The following TRAPPC2 variants were observed in gnomAD, a reference collection of about 807,000 sequenced individuals.
TRAPPC2 encodes sedlin.
Under a neutral mutation model 10.0 loss-of-function variants are expected in TRAPPC2, and 4 were observed. The ratio of observed to expected loss-of-function variants is 0.40; its 90% CI spans 0.20 to 0.92. The LOEUF (loss-of-function observed/expected upper bound fraction) is 0.92, where lower values mean the gene tolerates loss of function less well. Ranked by LOEUF, TRAPPC2 falls within the 40% of genes least tolerant of loss-of-function variation. The pLI is 0.35. For missense variants in TRAPPC2, 52 were observed against 108.7 expected, an observed-to-expected ratio of 0.48 and a Z score of 2.32; for synonymous variants, 36 against 37.3, an observed-to-expected ratio of 0.97 and a Z score of 0.12.
chrX:13,729,681 G>A (rs1051540865), intron 2 of TRAPPC2, among the ~76,000 whole-genome samples: 3 of 111,832 alleles, frequency 2.7e-5, no homozygotes, highest in African/African-American at 9.8e-5. Flanking sequence ...GGCTGAGGTG[G>A]TCATATCACC....
intron 2 of TRAPPC2, among the ~76,000 whole-genome samples, chrX:13,728,095 G>A (rs1022442857): frequency 1.8e-5 from 2 of 111,662 alleles, no homozygotes; most frequent in South Asian, 7.4e-4. Flanking sequence ...TTCTGAAATC[G>A]AGGCAATAAT....
intron 2 of TRAPPC2, among the ~76,000 whole-genome samples, chrX:13,730,855 G>T (rs1385092872): frequency 1.9e-5 from 2 of 103,884 alleles, no homozygotes; most frequent in Non-Finnish European, 2.0e-5. Context: ...CTCATAGGTG[G>T]GAATTGAACA....
intron 4 of TRAPPC2, 21 bp from the exon 5 acceptor site, chrX:13,716,110 T>A (rs1255298956): frequency 8.5e-7 from 1 of 1,169,642 alleles, no homozygotes; most frequent in African/African-American, 1.8e-5. Flanking sequence ...TAAGGCATAA[T>A]CTTTCTTAGA....
chrX:13,723,613 T>G (rs2046475060), intron 2 of TRAPPC2, among the ~76,000 whole-genome samples: 1 of 112,080 alleles, frequency 8.9e-6, no homozygotes, highest in Non-Finnish European at 1.9e-5. Context: ...ACTGTGTATG[T>G]ATGGTCTGCT....
chrX:13,727,636 A>G (rs1003917762), intron 2 of TRAPPC2, among the ~76,000 whole-genome samples: 1 of 111,931 alleles, frequency 8.9e-6, no homozygotes, highest in Non-Finnish European at 1.9e-5. Flanking sequence ...AAATGCCCAC[A>G]ACAGAAAGCA....
chrX:13,713,466 A>AAAAAAAC lies in TRAPPC2; in HGVS notation c.*940_*941insGTTTTTT, dbSNP rs1569070657. 3.8e-5 allele frequency: 4 copies of AAAAAAAC among 104,332 alleles called. No individual in the cohort carries two copies. Among genetic ancestry groups the AAAAAAAC allele is most frequent in the Non-Finnish European group, 5.9e-5 (3 of 51,095 alleles). 8.6% of individuals were successfully genotyped at this position (104,332 alleles called of 1,213,427 possible). On this transcript the variant is annotated 3_prime_UTR_variant, in exon 6 of 6. Coordinates refer to ENST00000380579, the MANE Select transcript of TRAPPC2 (RefSeq NM_001011658.4). ...ACTCCATCTCAAAAAAACAAAAAAC[A>AAAAAAAC]AAAAACAAAAACAAAAACCCACAAA...
chrX:13,714,674 G>A (rs1307326022), intron 5 of TRAPPC2, among the ~76,000 whole-genome samples, 169 bp from the exon 6 acceptor site: 1 of 112,445 alleles, frequency 8.9e-6, no homozygotes, highest in African/African-American at 3.2e-5. Context: ...TCCTCTTAAG[G>A]AAATTTTTAT....
At chrX:13,723,258 C>T (rs966019094) in intron 2 of TRAPPC2, among the ~76,000 whole-genome samples, 1 of 111,470 alleles carries the variant, frequency 9.0e-6, no homozygotes, top group African/African-American at 3.3e-5. Flanking sequence ...ACCTCCGCCT[C>T]CCAGGTTCAG....
rs192281315 is a variant in TRAPPC2, at chrX:13,716,392, A to G, written c.238+142T>C. 3.5e-4 allele frequency: 268 copies of G among 770,531 alleles called. 1 individual carries two copies. In the East Asian group the frequency reaches 7.5e-3, roughly 21 times the overall value. 63.5% of individuals were successfully genotyped at this position (770,531 alleles called of 1,213,427 possible). Reference sequence around the variant, plus strand: ...AATGTTTTTCCCCCCTAAAAAAAGAAAAGTAGCCCCATAAATGGAAACTTA... The same window carrying G: ...AATGTTTTTCCCCCCTAAAAAAAGAGAAGTAGCCCCATAAATGGAAACTTA... On this transcript the variant is annotated intron_variant, in intron 4 of 5. Coordinates refer to ENST00000380579, the MANE Select transcript of TRAPPC2 (RefSeq NM_001011658.4).
At chrX:13,716,737 A>G in intron 3 of TRAPPC2, 59 bp from the exon 4 acceptor site, 1 of 1,148,213 alleles carries the variant, frequency 8.7e-7, no homozygotes, top group Non-Finnish European at 1.2e-6. Flanking sequence ...GAGAATGCTG[A>G]CATTTCATTC....
intron 5 of TRAPPC2, 121 bp downstream of exon 5, chrX:13,715,883 T>C: frequency 9.6e-7 from 1 of 1,038,336 alleles, no homozygotes; most frequent in Non-Finnish European, 1.2e-6. Flanking sequence ...ATAGTTCTGA[T>C]GGGGGAAAGC....
intron 1 of TRAPPC2, 36 bp from the exon 2 acceptor site, chrX:13,734,221 AC>A (rs1437222542): frequency 2.2e-4 from 100 of 444,698 alleles, no homozygotes; most frequent in African/African-American, 1.9e-3. Flanking sequence ...AGCTAAACCT[AC>A]AATGCACAGG....
intron 5 of TRAPPC2, among the ~76,000 whole-genome samples, chrX:13,714,983 A>C (rs1399385873): frequency 8.9e-6 from 1 of 112,430 alleles, no homozygotes; most frequent in Non-Finnish European, 1.9e-5. Flanking sequence ...ATCATAACGC[A>C]TGACAGAAAA....
At chrX:13,724,055 A>G (rs1471264927) in intron 2 of TRAPPC2, among the ~76,000 whole-genome samples, 1 of 111,478 alleles carries the variant, frequency 9.0e-6, no homozygotes, top group Non-Finnish European at 1.9e-5. Flanking sequence ...AAATGAAGGA[A>G]GGGGCCACAG....
In TRAPPC2 at chrX:13,734,582, G is replaced by A; in HGVS notation, c.-219C>T. On this transcript the variant is annotated 5_prime_UTR_variant, in exon 1 of 6. Transcript: ENST00000380579. ...GTCAGTTTCCGCGGAAGAGACCCGC[G>A]CCCCGAACCTGTAGCCAGAACGCCG... 1 of 590,235 alleles carries A rather than the reference G, an allele frequency of 1.7e-6. No individual in the cohort carries two copies. Among genetic ancestry groups the A allele is most frequent in the Non-Finnish European group, 2.2e-6 (1 of 463,785 alleles). 48.6% of individuals were successfully genotyped at this position (590,235 alleles called of 1,213,427 possible).
intron 2 of TRAPPC2, among the ~76,000 whole-genome samples, chrX:13,724,437 G>C (rs16979163): frequency 9.4e-6 from 1 of 106,761 alleles, no homozygotes; most frequent in Non-Finnish European, 1.9e-5. Context: ...TTTAGGCTAC[G>C]ATCAGGAAAA....
At chrX:13,719,744 G>T in intron 3 of TRAPPC2, 127 bp downstream of exon 3, 1 of 511,647 alleles carries the variant, frequency 2.0e-6, no homozygotes, top group Non-Finnish European at 3.2e-6. Context: ...GCTTCTATCA[G>T]TCTGTGGGCT....
At chrX:13,720,251 C>T (rs761405150) in intron 2 of TRAPPC2, 38 of 179,828 alleles carry the variant, frequency 2.1e-4, no homozygotes, top group Non-Finnish European at 1.0e-4. Flanking sequence ...ACAACATTCT[C>T]ATGATCTGAA....
chrX:13,734,584 C>T lies in TRAPPC2; in HGVS notation c.-221G>A. The stretch of plus-strand genomic sequence containing the variant: ...CAGTTTCCGCGGAAGAGACCCGCGC[C>T]CCGAACCTGTAGCCAGAACGCCGAA... On this transcript the variant is annotated 5_prime_UTR_variant, in exon 1 of 6. Coordinates refer to ENST00000380579, the MANE Select transcript of TRAPPC2 (RefSeq NM_001011658.4). 1.6e-6 allele frequency: 1 copy of T among 626,835 alleles called. No homozygotes were observed. 51.7% of individuals were successfully genotyped at this position (626,835 alleles called of 1,213,427 possible).
Sources: allele counts gnomAD v4.1 joint callset (sites outside exome capture counted in the v4.1 genomes callset), GRCh38; gene constraint gnomAD v4.1.1; transcripts MANE v1.5; gene names NCBI Gene and HGNC (gene_info 2026-07-23, HGNC 2026-07-21).